CENPI: variants seen among roughly 807,000 people sequenced by gnomAD.
CENPI encodes centromere protein I.
CENPI carries 4 observed loss-of-function variants against 60.4 expected under a neutral mutation model. The ratio of observed to expected loss-of-function variants is 0.07; its 90% confidence interval spans 0.03 to 0.15. CENPI has a LOEUF of 0.15. Among genes scored for constraint, CENPI ranks in the 10% least tolerant of loss-of-function variants. The pLI, the probability that CENPI is intolerant of heterozygous loss-of-function variation, is 1.00. For missense variants in CENPI, 444 were observed against 534.5 expected (o/e 0.83, Z 1.67); for synonymous variants, 157 against 189.4 (o/e 0.83, Z 1.40).
At chrX:101,148,182 T>C (rs752052297) in intron 20 of CENPI, 21 bp downstream of exon 20, 2 of 1,146,753 alleles carry the variant, frequency 1.7e-6, no homozygotes, top group South Asian at 3.7e-5. Flanking sequence ...TTAAAGAATT[T>C]TTAGATTTTG....
At chrX:101,148,352 A>G (rs1219689058) in intron 20 of CENPI, among the ~76,000 whole-genome samples, 191 bp downstream of exon 20, 1 of 111,667 alleles carries the variant, frequency 9.0e-6, no homozygotes, top group Admixed American at 9.7e-5. Context: ...TCTGTCCTCT[A>G]AGAGAGCTTG....
At chrX:101,162,690 G>C in intron 21 of CENPI, 143 bp from the exon 22 acceptor site, 1 of 586,305 alleles carries the variant, frequency 1.7e-6, no homozygotes, top group Non-Finnish European at 2.7e-6. Context: ...ATGTTACTTA[G>C]TGACTGAGCT....
At chrX:101,156,209 A>T (rs66857222) in intron 20 of CENPI, among the ~76,000 whole-genome samples, 1 of 109,987 alleles carries the variant, frequency 9.1e-6, no homozygotes, top group Admixed American at 9.7e-5. Context: ...GATGGGTTTC[A>T]CCATGTTGGT....
At chrX:101,110,092 TTTTTCC>T (rs2089537470) in intron 6 of CENPI, 94 bp downstream of exon 6, 2 of 420,043 alleles carry the variant, frequency 4.8e-6, no homozygotes, top group Non-Finnish European at 3.9e-6. Flanking sequence ...ACACAATATG[TTTTTCC>T]TTATTTTAAA....
the CENPI span, among the ~76,000 whole-genome samples, chrX:101,179,242 G>A: frequency 1.8e-5 from 2 of 111,901 alleles, no homozygotes; most frequent in East Asian, 2.8e-4. Flanking sequence ...CACCTGTGCC[G>A]GACGTTTCAT....
chrX:101,161,950 A>T (rs754245867), intron 21 of CENPI, among the ~76,000 whole-genome samples: 6 of 107,635 alleles, frequency 5.6e-5, no homozygotes, highest in East Asian at 3.0e-4. Context: ...ATTTTATTTT[A>T]TTTTTTTTGA....
intron 15 of CENPI, among the ~76,000 whole-genome samples, chrX:101,140,010 G>C (rs1179134864): frequency 9.1e-6 from 1 of 109,764 alleles, no homozygotes; most frequent in Non-Finnish European, 1.9e-5. Context: ...AATTTTTTTT[G>C]TATTTTTAGT....
chrX:101,120,770 C>T lies in CENPI; in HGVS notation c.673C>T (p.Leu225Phe). 1 of 1,208,636 alleles carries T rather than the reference C, an allele frequency of 8.3e-7. No individual in the cohort carries two copies. The highest frequency in any genetic ancestry group is 1.8e-5 in the South Asian group (1 of 56,651). The change falls in exon 8 of 22, where the codon CTT (leucine) becomes TTT (phenylalanine). Residue 225 changes from leucine (L) to phenylalanine (F), a missense_variant. Coordinates refer to ENST00000682095, the MANE Select transcript of CENPI (RefSeq NM_001386188.2). ...KPFRVRKLLD[L>F]QAKMGMQPHL... ...ATTTCGTGTGAGAAAACTGCTTGATCTTCAGGCCAAAATGGTGAGTACTGA... is the reference window on the plus strand; with the variant it reads ...ATTTCGTGTGAGAAAACTGCTTGATTTTCAGGCCAAAATGGTGAGTACTGA...
intron 8 of CENPI, among the ~76,000 whole-genome samples, chrX:101,123,706 GC>G (rs1449773849): frequency 1.3e-4 from 14 of 110,194 alleles, no homozygotes; most frequent in Admixed American, 3.9e-4. Context: ...TCCCTCCTCA[GC>G]CTCTGGAGTA....
At chrX:101,102,529 A>ATG in intron 4 of CENPI, 118 bp downstream of exon 4, 3 of 300,078 alleles carry the variant, frequency 1.0e-5, no homozygotes, top group Non-Finnish European at 1.1e-5. Context: ...ATATATATAT[A>ATG]CTTTTTTTTA....
At chrX:101,162,680 A>G (rs977702137) in intron 21 of CENPI, among the ~76,000 whole-genome samples, 153 bp from the exon 22 acceptor site, 3 of 109,265 alleles carry the variant, frequency 2.7e-5, no homozygotes, top group Non-Finnish European at 5.7e-5. Context: ...TCTGGTTTAA[A>G]TGTTACTTAG....
chrX:101,153,355 T>C (rs964074867), intron 20 of CENPI, among the ~76,000 whole-genome samples: 18 of 108,292 alleles, frequency 1.7e-4, no homozygotes, highest in Non-Finnish European at 3.3e-4. Context: ...CAGTGGCCAG[T>C]GGCACAATCA....
intron 20 of CENPI, 88 bp downstream of exon 20, chrX:101,148,249 T>A: frequency 1.3e-6 from 1 of 780,006 alleles, no homozygotes; most frequent in Non-Finnish European, 1.9e-6. Context: ...TGTGTCTGAA[T>A]TGTAAGACGT....
At chrX:101,157,522 C>T (rs1395448563) in intron 20 of CENPI, among the ~76,000 whole-genome samples, 2 of 109,347 alleles carry the variant, frequency 1.8e-5, no homozygotes, top group African/African-American at 3.3e-5. Context: ...TGGTGGCATG[C>T]ACCTGTGCTC....
At chrX:101,110,121 A>G (rs2089537854) in intron 6 of CENPI, 123 bp downstream of exon 6, 1 of 382,322 alleles carries the variant, frequency 2.6e-6, no homozygotes, top group East Asian at 4.2e-5. Context: ...TATATCAAAC[A>G]TATAGAAATG....
intron 20 of CENPI, among the ~76,000 whole-genome samples, chrX:101,158,339 G>A (rs772308436): frequency 2.0e-5 from 2 of 97,708 alleles, no homozygotes; most frequent in Admixed American, 1.2e-4. Flanking sequence ...GTGCAATGGC[G>A]CAATCTCCGC....
chrX:101,121,503 GGTCTCGAACTCT>G lies in CENPI; in HGVS notation c.687+720_687+731del, dbSNP rs2089677866. ...GACGGGGTTTCATGTTGGCCAGGCT[GGTCTCGAACTCT>G]TGACCTCAGGTGATCTGCCTGCCTC... On this transcript the variant is annotated intron_variant, in intron 8 of 21. Coordinates refer to ENST00000682095, the MANE Select transcript of CENPI (RefSeq NM_001386188.2). Among the ~76,000 whole-genome samples the G allele has an allele frequency of 6.4e-5, 7 of 109,756 alleles. No individual in the cohort carries two copies. The South Asian group carries it at 1.6e-3, about 25-fold the overall frequency.
In CENPI at chrX:101,165,711, G is replaced by A. The variant is rs2090141807; in HGVS notation, c.*2744G>A. ...CAGCATTGAGAAGTAGAGGAGAAGA[G>A]GAACCAGCAAAAGACTGAGAAGGAC... is the stretch of plus-strand genomic sequence containing the variant. On this transcript the variant is annotated 3_prime_UTR_variant, in exon 22 of 22. Coordinates refer to ENST00000682095, the MANE Select transcript of CENPI (RefSeq NM_001386188.2). Among the ~76,000 whole-genome samples the A allele has an allele frequency of 9.0e-6, 1 of 110,815 alleles. No homozygotes were observed. The highest frequency in any genetic ancestry group is 3.3e-5 in the African/African-American group (1 of 30,489).
At chrX:101,153,061 G>A (rs1429098402) in intron 20 of CENPI, among the ~76,000 whole-genome samples, 1 of 108,399 alleles carries the variant, frequency 9.2e-6, no homozygotes, top group African/African-American at 3.4e-5. Flanking sequence ...TCAGCAGTAT[G>A]TGAGGGTTCC....
Sources: gnomAD v4.1 joint callset for allele counts (sites outside exome capture counted in the v4.1 genomes callset) on GRCh38, gnomAD v4.1.1 for gene constraint, MANE v1.5 for transcripts, NCBI Gene and HGNC (gene_info 2026-07-23, HGNC 2026-07-21) for gene names.